Variants in MAP1LC3B observed in about 807,000 individuals in gnomAD.
MAP1LC3B encodes the protein microtubule associated protein 1 light chain 3 beta, also known as microtubule-associated protein 1 light chain 3 beta.
Under a neutral mutation model 16.7 loss-of-function variants are expected in MAP1LC3B, and 12 were observed. That is an observed-to-expected ratio of 0.72 (90% CI 0.46 to 1.16). The LOEUF is 1.16. Among genes scored for constraint, MAP1LC3B ranks in the 50% most tolerant of loss-of-function variants. MAP1LC3B has a pLI of 0.00. For synonymous variants in MAP1LC3B, 63 were observed against 56.5 expected (o/e 1.11, Z -0.51); for missense variants, 155 against 159.5 (o/e 0.97, Z 0.15).
In MAP1LC3B at chr16:87,402,075, T is replaced by G. The variant is rs1275048836; in HGVS notation, c.97-100T>G. Reference sequence around the variant, plus strand: ...TGGTCTCAGTCTCCTGACCTCGTGATGTGCCCGCCTCGGCCTCCCAAAATG... The same window carrying G: ...TGGTCTCAGTCTCCTGACCTCGTGAGGTGCCCGCCTCGGCCTCCCAAAATG... On this transcript the variant is annotated intron_variant, in intron 2 of 3. Transcript: ENST00000268607. 4.7e-6 allele frequency: 5 copies of G among 1,075,060 alleles called. No individual in the cohort carries two copies. In the African/African-American group the frequency reaches 7.9e-5, roughly 17 times the overall value. 66.6% of individuals were successfully genotyped at this position (1,075,060 alleles called of 1,614,324 possible).
chr16:87,393,251 A>G (rs146558163), intron 1 of MAP1LC3B: 7 of 152,348 alleles, frequency 4.6e-5, no homozygotes, highest in Non-Finnish European at 8.8e-5. Flanking sequence ...CACCATCACA[A>G]TATTTACTCC....
intron 1 of MAP1LC3B, chr16:87,392,906 C>G (rs889166683): frequency 6.6e-6 from 1 of 152,198 alleles, no homozygotes; most frequent in African/African-American, 2.4e-5. Context: ...CCGTTCGGCT[C>G]TGAAGCGGGG....
intron 2 of MAP1LC3B, among the ~76,000 whole-genome samples, chr16:87,401,137 A>AAG (rs1263800711): frequency 6.7e-6 from 1 of 149,864 alleles, no homozygotes; most frequent in African/African-American, 2.4e-5. Context: ...TGTCTCAAAA[A>AAG]AAAAAAAAAA....
intron 1 of MAP1LC3B, among the ~76,000 whole-genome samples, chr16:87,396,230 T>C (rs62053116): frequency 0.84 from 128,075 of 151,658 alleles, 58,375 homozygotes; most frequent in East Asian, 1. Context: ...AATCCCAACA[T>C]TTTGGTAGGC....
rs570252095 is a variant in MAP1LC3B, at chr16:87,394,113, C to T, written c.40+1646C>T. 2.3e-3 allele frequency among the ~76,000 whole-genome samples: 350 copies of T among 152,118 alleles called. 1 individual carries two copies. The highest frequency in any genetic ancestry group is 8.0e-3 in the African/African-American group (334 of 41,516). On this transcript the variant is annotated intron_variant, in intron 1 of 3. Coordinates refer to ENST00000268607, the MANE Select transcript of MAP1LC3B (RefSeq NM_022818.5). ...ACCAGCAATAATGCCCCATTTTTTT[C>T]CCATTGATGTATGGACCTTGTATAT...
At position 87,395,588 on chromosome 16, in the gene MAP1LC3B, G is replaced by A. The variant is rs371971746; in HGVS notation, c.40+3121G>A. 1.3e-4 allele frequency among the ~76,000 whole-genome samples: 20 copies of A among 152,316 alleles called. No homozygotes were observed. The South Asian group carries it at 3.3e-3, about 25-fold the overall frequency. On this transcript the variant is annotated intron_variant, in intron 1 of 3. Transcript: ENST00000268607. Reference sequence around the variant, plus strand: ...TGAGAGTGGAGCATCCGTGTGTACCGTGTACAGCCAGTTAGTTACTCCAGG... The same window carrying A: ...TGAGAGTGGAGCATCCGTGTGTACCATGTACAGCCAGTTAGTTACTCCAGG...
At chr16:87,401,058 G>A (rs1026822679) in intron 2 of MAP1LC3B, among the ~76,000 whole-genome samples, 10 of 148,178 alleles carry the variant, frequency 6.7e-5, no homozygotes, top group Admixed American at 2.1e-4. Context: ...GCTTGAACCC[G>A]GGAGTCGGAG....
intron 2 of MAP1LC3B, chr16:87,400,383 G>A (rs1567500752): frequency 6.6e-6 from 1 of 151,706 alleles, no homozygotes; most frequent in Non-Finnish European, 1.5e-5. Context: ...GTTTCACCAT[G>A]TTAGCCAGGA....
Position 87,404,262 on chromosome 16 carries a change from G to C in MAP1LC3B, c.*1165G>C, listed in dbSNP as rs553597608. On this transcript the variant is annotated 3_prime_UTR_variant, in exon 4 of 4. Coordinates refer to ENST00000268607, the MANE Select transcript of MAP1LC3B (RefSeq NM_022818.5). ...AAAAGACTAGTGCTTCCCAGTACTT[G>C]CATGGGGTTCACTATTTATAGTTTT... 115 of 152,244 alleles carry C rather than the reference G, an allele frequency of 7.6e-4. No homozygotes were observed. The highest frequency in any genetic ancestry group is 2.5e-3 in the African/African-American group (104 of 41,514). 9.4% of individuals were successfully genotyped at this position (152,244 alleles called of 1,614,324 possible).
intron 3 of MAP1LC3B, 96 bp from the exon 4 acceptor site, chr16:87,402,827 T>C: frequency 6.3e-6 from 9 of 1,422,660 alleles, no homozygotes; most frequent in Non-Finnish European, 7.7e-6. Flanking sequence ...TAGAACATTT[T>C]TATATTTTAC....
chr16:87,394,152 G>A lies in MAP1LC3B; in HGVS notation c.40+1685G>A, dbSNP rs1382826564. Among the ~76,000 whole-genome samples, 4 of 151,818 alleles carry A rather than the reference G, an allele frequency of 2.6e-5. No homozygotes were observed. The South Asian group carries it at 8.3e-4, about 32-fold the overall frequency. ...GACCTTGTATATACTGTATTTTCAG[G>A]GTTTTTTCCCTTGGCTCACCTTTAT... On this transcript the variant is annotated intron_variant, in intron 1 of 3. Coordinates refer to ENST00000268607, the MANE Select transcript of MAP1LC3B (RefSeq NM_022818.5).
At chr16:87,397,040 C>T (rs927643506) in intron 1 of MAP1LC3B, 1 of 151,886 alleles carries the variant, frequency 6.6e-6, no homozygotes, top group African/African-American at 2.4e-5. Flanking sequence ...TGTGGCCAGG[C>T]TAGTCTCAAA....
chr16:87,394,748 A>T lies in MAP1LC3B; in HGVS notation c.40+2281A>T, dbSNP rs148617165. On this transcript the variant is annotated intron_variant, in intron 1 of 3. Transcript: ENST00000268607. ...GTCAGGAGACATAGTGTGTCCTTGG[A>T]GATGTGTTGGAAATATTGAATGAAC... 4.4e-3 allele frequency among the ~76,000 whole-genome samples: 669 copies of T among 152,206 alleles called. 7 individuals carry two copies. Among genetic ancestry groups the T allele is most frequent in the African/African-American group, 0.016 (646 of 41,522 alleles).
rs1189670099 is a variant in MAP1LC3B at position 87,404,090 on chromosome 16, G to A, written c.*993G>A. 1 of 152,120 alleles carries A rather than the reference G, an allele frequency of 6.6e-6. No homozygotes were observed. Among genetic ancestry groups the A allele is most frequent in the Non-Finnish European group, 1.5e-5 (1 of 68,024 alleles). 9.4% of individuals were successfully genotyped at this position (152,120 alleles called of 1,614,324 possible). A position where few individuals can be genotyped will look rare whatever the true frequency, so the allele number is the denominator to read the frequency against. ...TGAAAAGGTACCCACATTTTGAATA[G>A]TAGTTATCACTCTTAGGTCAGACAG... On this transcript the variant is annotated 3_prime_UTR_variant, in exon 4 of 4. Coordinates refer to ENST00000268607, the MANE Select transcript of MAP1LC3B (RefSeq NM_022818.5).
intron 1 of MAP1LC3B, 172 bp downstream of exon 1, chr16:87,392,639 C>G (rs1004115906): frequency 1.6e-5 from 8 of 491,452 alleles, no homozygotes; most frequent in African/African-American, 1.3e-4. Context: ...CCGTGAGGGA[C>G]CCAGGCCGGG....
At chr16:87,396,460 GCAAGACTCCA>G (rs763265080) in intron 1 of MAP1LC3B, among the ~76,000 whole-genome samples, 51 of 149,342 alleles carry the variant, frequency 3.4e-4, no homozygotes, top group Non-Finnish European at 7.0e-4. Context: ...GAGTGACAGA[GCAAGACTCCA>G]TCTCAAAAAA....
In MAP1LC3B at chr16:87,403,012, T is replaced by G; in HGVS notation, c.293T>G (p.Val98Gly). 6.2e-7 allele frequency: 1 copy of G among 1,613,946 alleles called. No individual in the cohort carries two copies. The highest frequency in any genetic ancestry group is 8.5e-7 in the Non-Finnish European group (1 of 1,179,928). ...MVSVSTPISE[V>G]YESEKDEDGF... ...AGCGTCTCCACACCAATCTCAGAGG[T>G]GTATGAGAGTGAGAAAGATGAAGAT... The change falls in exon 4 of 4, where the codon GTG becomes GGG. Residue 98 changes from valine (V) to glycine (G), a missense_variant. Val to Gly is a moderately radical substitution (Grantham distance 109). Coordinates refer to ENST00000268607, the MANE Select transcript of MAP1LC3B (RefSeq NM_022818.5).
intron 1 of MAP1LC3B, among the ~76,000 whole-genome samples, chr16:87,394,564 C>T (rs1907733734): frequency 6.6e-6 from 1 of 152,206 alleles, no homozygotes. Context: ...ACAACGCCTT[C>T]CTTTTGTAGC....
intron 2 of MAP1LC3B, among the ~76,000 whole-genome samples, chr16:87,400,726 T>C (rs545378697): frequency 6.6e-6 from 1 of 151,118 alleles, no homozygotes; most frequent in East Asian, 1.9e-4. Flanking sequence ...TTTTAATGGA[T>C]GAAAGGTTTT....
Sources: allele counts gnomAD v4.1 joint callset (sites outside exome capture counted in the v4.1 genomes callset), GRCh38; gene constraint gnomAD v4.1.1; transcripts MANE v1.5; gene names NCBI Gene and HGNC (gene_info 2026-07-23, HGNC 2026-07-21).